The following INPP4B variants were observed in gnomAD, a reference collection of about 807,000 sequenced individuals.
The protein encoded by INPP4B is inositol polyphosphate 4-phosphatase type II.
Under a neutral mutation model 122.5 loss-of-function variants are expected in INPP4B, and 55 were observed. The ratio of observed to expected loss-of-function variants is 0.45; its 90% CI spans 0.36 to 0.56. The LOEUF (loss-of-function observed/expected upper bound fraction) is 0.56. INPP4B is among the 20% of genes least tolerant of loss of function. The pLI, the probability that INPP4B is intolerant of heterozygous loss-of-function variation, is 0.00. For missense variants in INPP4B, 1,000 were observed against 1,097.7 expected, an observed-to-expected ratio of 0.91 and a Z score of 1.26; for synonymous variants, 403 against 388.7, an observed-to-expected ratio of 1.04 and a Z score of -0.43.
Position 142,427,540 on chromosome 4 carries a change from A to G in INPP4B, c.136+1633T>C, listed in dbSNP as rs1473184597. 14 of 610,358 alleles carry G rather than the reference A, an allele frequency of 2.3e-5. No homozygotes were observed. In the East Asian group the frequency reaches 3.8e-4, roughly 17 times the overall value. The allele number at this position is 610,358 out of a possible 1,614,324, so 37.8% of individuals were successfully genotyped here. A position where few individuals can be genotyped will look rare whatever the true frequency, so the allele number is the denominator to read the frequency against. On this transcript the variant is annotated intron_variant, in intron 5 of 25. Transcript: ENST00000262992. ...TTACTTGGCTTTCTAAACAAACAGC[A>G]TAGTTAGGTCTTTGAACAAGATAGA...
intron 7 of INPP4B, among the ~76,000 whole-genome samples, chr4:142,320,388 A>T (rs558366038): frequency 2.0e-5 from 3 of 152,324 alleles, no homozygotes; most frequent in Admixed American, 2.0e-4. Context: ...TAATTTTGGG[A>T]ACGATCTTAG....
intron 2 of INPP4B, among the ~76,000 whole-genome samples, chr4:142,529,706 A>G (rs1432885801): frequency 6.6e-6 from 1 of 152,046 alleles, no homozygotes; most frequent in Non-Finnish European, 1.5e-5. Context: ...TCAGACAAAA[A>G]TATTTGAGAA....
Position 142,305,554 on chromosome 4 carries a change from G to C in INPP4B, c.424-17C>G, listed in dbSNP as rs1257290323. 1 of 1,604,314 alleles carries C rather than the reference G, an allele frequency of 6.2e-7. No homozygotes were observed. The highest frequency in any genetic ancestry group is 1.3e-5 in the African/African-American group (1 of 74,480). ...GAAACTTCGCTGAAAATAACAGAAA[G>C]AATGGTTTCATTAACTTGAGGTTCT... On this transcript the variant is annotated splice_polypyrimidine_tract_variant and intron_variant, in intron 8 of 25. Transcript: ENST00000262992.
At chr4:142,836,195 T>G (rs555516434) in intron 1 of INPP4B, among the ~76,000 whole-genome samples, 2 of 152,230 alleles carry the variant, frequency 1.3e-5, no homozygotes, top group Admixed American at 1.3e-4. Flanking sequence ...AATCTAAAAA[T>G]ATTTTGGCAC....
At chr4:142,606,449 T>A (rs142173914) in intron 2 of INPP4B, among the ~76,000 whole-genome samples, 1 of 151,980 alleles carries the variant, frequency 6.6e-6, no homozygotes, top group East Asian at 1.9e-4. Flanking sequence ...TTATCACTCA[T>A]GATAAACCCC....
chr4:142,031,178 T>TTCA (rs1266098268), intron 25 of INPP4B, among the ~76,000 whole-genome samples: 1 of 151,916 alleles, frequency 6.6e-6, no homozygotes, highest in African/African-American at 2.4e-5. Context: ...TATGCTCTAG[T>TTCA]TCATCAGTAT....
chr4:142,731,815 A>G (rs1766137967), intron 1 of INPP4B, among the ~76,000 whole-genome samples: 1 of 152,184 alleles, frequency 6.6e-6, no homozygotes, highest in Non-Finnish European at 1.5e-5. Context: ...TGATATAGGA[A>G]CACTTAGGGT....
rs187965534 is a variant in INPP4B at position 142,243,872 on chromosome 4, T to C, written c.689-5861A>G. 6.0e-3 allele frequency among the ~76,000 whole-genome samples: 242 copies of C among 40,044 alleles called. 1 individual carries two copies. The highest frequency in any genetic ancestry group is 0.014 in the African/African-American group (214 of 15,434). 26.3% of individuals were successfully genotyped at this position (40,044 alleles called of 152,430 possible). On this transcript the variant is annotated intron_variant, in intron 11 of 25. Coordinates refer to ENST00000262992, the MANE Select transcript of INPP4B (RefSeq NM_001101669.3). ...GGTATTGTGAAAGTCAATTAAAATC[T>C]ATGGTGCTACATGGTAGAACAAACT...
In INPP4B at chr4:142,532,915, T is replaced by C. The variant is rs190591718; in HGVS notation, c.-190-70189A>G. ...TGTGGACTTTTAGAAAACCTTACAATTTTGTTTTGCTTTATGTTAGCACTT... is the reference window on the plus strand; with the variant it reads ...TGTGGACTTTTAGAAAACCTTACAACTTTGTTTTGCTTTATGTTAGCACTT... On this transcript the variant is annotated intron_variant, in intron 2 of 25. Coordinates refer to ENST00000262992, the MANE Select transcript of INPP4B (RefSeq NM_001101669.3). Among the ~76,000 whole-genome samples the C allele has an allele frequency of 7.2e-5, 11 of 152,312 alleles. No individual in the cohort carries two copies. The East Asian group carries it at 2.1e-3, about 29-fold the overall frequency.
chr4:142,746,995 T>A (rs1236159484), intron 1 of INPP4B, among the ~76,000 whole-genome samples: 2 of 152,002 alleles, frequency 1.3e-5, no homozygotes, highest in Non-Finnish European at 2.9e-5. Flanking sequence ...CCAAAAGCAA[T>A]GGCAACAAAA....
intron 1 of INPP4B, among the ~76,000 whole-genome samples, chr4:142,764,126 C>A (rs1771739242): frequency 6.6e-6 from 1 of 151,788 alleles, no homozygotes; most frequent in Non-Finnish European, 1.5e-5. Context: ...ATTTTTATTC[C>A]CCTTTTTGAC....
At chr4:142,277,162 C>G (rs1026431172) in intron 9 of INPP4B, among the ~76,000 whole-genome samples, 2 of 147,540 alleles carry the variant, frequency 1.4e-5, no homozygotes, top group African/African-American at 5.0e-5. Flanking sequence ...CCTTAGCCCA[C>G]TTTTTGATGG....
intron 2 of INPP4B, among the ~76,000 whole-genome samples, chr4:142,468,677 A>G (rs537320041): frequency 5.9e-5 from 9 of 152,164 alleles, no homozygotes; most frequent in African/African-American, 2.2e-4. Flanking sequence ...CTTGCCCTGT[A>G]ATTTCTGCAC....
At chr4:142,160,698 T>C (rs1819680125) in intron 16 of INPP4B, 137 bp from the exon 17 acceptor site, 1 of 563,342 alleles carries the variant, frequency 1.8e-6, no homozygotes. Context: ...GGAGAGAAAA[T>C]GATTCATACC....
intron 6 of INPP4B, among the ~76,000 whole-genome samples, chr4:142,404,935 G>A (rs1417074627): frequency 2.0e-5 from 3 of 151,130 alleles, no homozygotes; most frequent in Admixed American, 6.6e-5. Flanking sequence ...TAAACTCTTT[G>A]TATGAAAAGA....
intron 14 of INPP4B, among the ~76,000 whole-genome samples, chr4:142,195,294 AAAGTTGTT>A (rs1352558436): frequency 6.6e-6 from 1 of 152,228 alleles, no homozygotes; most frequent in African/African-American, 2.4e-5. Flanking sequence ...GGGGGAATGC[AAAGTTGTT>A]ATTCAATAGG....
chr4:142,524,770 C>T (rs1826635499), intron 2 of INPP4B, among the ~76,000 whole-genome samples: 1 of 151,878 alleles, frequency 6.6e-6, no homozygotes, highest in African/African-American at 2.4e-5. Context: ...GACAAACCCA[C>T]AGCCAATATC....
chr4:142,618,056 G>C (rs1006823851), intron 2 of INPP4B, among the ~76,000 whole-genome samples: 6 of 152,140 alleles, frequency 3.9e-5, no homozygotes, highest in Middle Eastern at 3.4e-3. Context: ...ATTAAAGAAA[G>C]TTAGATTTTA....
chr4:142,258,677 T>C (rs1380006429), intron 11 of INPP4B, among the ~76,000 whole-genome samples: 1 of 152,162 alleles, frequency 6.6e-6, no homozygotes, highest in Non-Finnish European at 1.5e-5. Flanking sequence ...CCAGTTAGAA[T>C]GGCGATCATT....
Sources: gnomAD v4.1 joint callset for allele counts (sites outside exome capture counted in the v4.1 genomes callset) on GRCh38, gnomAD v4.1.1 for gene constraint, MANE v1.5 for transcripts, NCBI Gene and HGNC (gene_info 2026-07-23, HGNC 2026-07-21) for gene names.